Variants in LYPD6 observed in about 807,000 individuals in gnomAD.
LYPD6 encodes the protein ly6/PLAUR domain-containing protein 6.
A neutral mutation model predicts 22.7 loss-of-function variants in LYPD6; 15 were observed. That is an observed-to-expected ratio of 0.66 (90% CI 0.44 to 1.02). The LOEUF is 1.02. LYPD6 is among the 50% of genes least tolerant of loss of function. The pLI is 0.00. For synonymous variants in LYPD6, 72 were observed against 77.5 expected, an observed-to-expected ratio of 0.93 and a Z score of 0.37; for missense variants, 189 against 208.4, an observed-to-expected ratio of 0.91 and a Z score of 0.57.
chr2:149,441,710 T>C (rs1326864188), intron 2 of LYPD6, among the ~76,000 whole-genome samples: 1 of 152,198 alleles, frequency 6.6e-6, no homozygotes, highest in Non-Finnish European at 1.5e-5. Context: ...CCAAATCAAA[T>C]AAGAACTTTC....
intron 2 of LYPD6, among the ~76,000 whole-genome samples, chr2:149,444,229 CA>C (rs1683631522): frequency 6.6e-6 from 1 of 152,104 alleles, no homozygotes; most frequent in African/African-American, 2.4e-5. Flanking sequence ...CACCATGTTC[CA>C]CCAACAATGT....
intron 3 of LYPD6, among the ~76,000 whole-genome samples, chr2:149,461,428 A>C (rs540865552): frequency 1.3e-5 from 2 of 151,930 alleles, no homozygotes; most frequent in African/African-American, 4.8e-5. Flanking sequence ...TTCAGGCCCA[A>C]ATAATTTCAC....
At position 149,472,860 on chromosome 2, in the gene LYPD6, G is replaced by A. The variant is rs913497123; in HGVS notation, c.*2010G>A. On this transcript the variant is annotated 3_prime_UTR_variant, in exon 5 of 5. Transcript: ENST00000334166. Reference sequence around the variant, plus strand: ...TGGGATTGAAGAGGAAAGAAAGGTGGGATTATCCCCCTAGGAAGACTTTCA... The same window carrying A: ...TGGGATTGAAGAGGAAAGAAAGGTGAGATTATCCCCCTAGGAAGACTTTCA... 4 of 152,454 alleles carry A rather than the reference G, an allele frequency of 2.6e-5. No individual in the cohort carries two copies. The highest frequency in any genetic ancestry group is 4.8e-5 in the African/African-American group (2 of 41,392). The allele number at this position is 152,454 out of a possible 1,614,324, so 9.4% of individuals were successfully genotyped here. A position where few individuals can be genotyped will look rare whatever the true frequency, so the allele number is the denominator to read the frequency against.
intron 1 of LYPD6, among the ~76,000 whole-genome samples, chr2:149,430,248 C>G (rs368008097): frequency 6.6e-6 from 1 of 152,040 alleles, no homozygotes; most frequent in South Asian, 2.1e-4. Context: ...TACAGGTGCC[C>G]GCCGCCATGC....
chr2:149,460,891 C>G (rs1298684180), intron 3 of LYPD6, among the ~76,000 whole-genome samples: 1 of 152,054 alleles, frequency 6.6e-6, no homozygotes, highest in East Asian at 1.9e-4. Flanking sequence ...ATCCACAGAT[C>G]AAAGATAAAG....
chr2:149,480,051 G>A, the LYPD6 span, among the ~76,000 whole-genome samples: 2 of 147,058 alleles, frequency 1.4e-5, no homozygotes, highest in African/African-American at 2.5e-5. Flanking sequence ...ATGGAGTTTC[G>A]CTCTTGTCAC....
Position 149,468,793 on chromosome 2 carries a change from A to T in LYPD6, c.348+18A>T, listed in dbSNP as rs765640438. On this transcript the variant is annotated intron_variant, in intron 4 of 4. Coordinates refer to ENST00000334166, the MANE Select transcript of LYPD6 (RefSeq NM_194317.5). ...GCCACAAGGTCTGGGCAACAGAGCA[A>T]GTGACCAGTACTACATAGCCAGCTG... 1.9e-6 allele frequency: 3 copies of T among 1,612,564 alleles called. No homozygotes were observed. Among genetic ancestry groups the T allele is most frequent in the Non-Finnish European group, 2.5e-6 (3 of 1,179,420 alleles).
At chr2:149,416,521 CAAAG>C (rs1246173111) in intron 1 of LYPD6, among the ~76,000 whole-genome samples, 1 of 152,188 alleles carries the variant, frequency 6.6e-6, no homozygotes, top group Non-Finnish European at 1.5e-5. Context: ...TCCCTGGACA[CAAAG>C]AATCCAGGGT....
chr2:149,408,645 A>G (rs1682783445), intron 1 of LYPD6, among the ~76,000 whole-genome samples: 1 of 152,164 alleles, frequency 6.6e-6, no homozygotes, highest in Non-Finnish European at 1.5e-5. Flanking sequence ...GGTTAATTTG[A>G]AAGCCTTGTC....
intron 1 of LYPD6, among the ~76,000 whole-genome samples, chr2:149,387,332 G>A (rs1682211033): frequency 6.6e-6 from 1 of 152,144 alleles, no homozygotes; most frequent in African/African-American, 2.4e-5. Flanking sequence ...TTTCTCTTAG[G>A]CCAAACCACT....
intron 3 of LYPD6, among the ~76,000 whole-genome samples, chr2:149,460,149 A>C (rs917333919): frequency 1.6e-4 from 24 of 152,218 alleles, no homozygotes; most frequent in African/African-American, 5.5e-4. Flanking sequence ...AACAAAAACA[A>C]GACAGAAAAT....
chr2:149,437,808 A>G lies in LYPD6; in HGVS notation c.100A>G (p.Ile34Val), dbSNP rs1261684300. ...CCGAGACTTCACAGTGAAAGACATT[A>G]TCTACCTCCATCCTTCAAGTAAGAC... is the stretch of plus-strand genomic sequence containing the variant. ...QSRDFTVKDI[I>V]YLHPSTTPYP... Residue 34 changes from isoleucine to valine, a missense_variant, in exon 2 of 5, where the codon ATC becomes GTC. Physicochemically the swap from Ile to Val is conservative, Grantham distance 29. Transcript: ENST00000334166. The G allele has an allele frequency of 1.2e-6, 2 of 1,614,050 alleles. No individual in the cohort carries two copies. The highest frequency in any genetic ancestry group is 1.7e-6 in the Non-Finnish European group (2 of 1,180,004).
intron 1 of LYPD6, among the ~76,000 whole-genome samples, chr2:149,417,266 C>G (rs1682985107): frequency 6.6e-6 from 1 of 152,154 alleles, no homozygotes; most frequent in Non-Finnish European, 1.5e-5. Context: ...TATGATTCTC[C>G]CACTGGGGCT....
chr2:149,335,614 C>G (rs1306526235), intron 1 of LYPD6, among the ~76,000 whole-genome samples: 1 of 152,164 alleles, frequency 6.6e-6, no homozygotes, highest in Non-Finnish European at 1.5e-5. Flanking sequence ...CTACAGTAGT[C>G]TACAGTAACG....
At position 149,426,856 on chromosome 2, in the gene LYPD6, A is replaced by G. The variant is rs527650517; in HGVS notation, c.-71-10782A>G. 3.2e-3 allele frequency among the ~76,000 whole-genome samples: 487 copies of G among 152,290 alleles called. 2 individuals carry two copies. Among genetic ancestry groups the G allele is most frequent in the African/African-American group, 0.011 (457 of 41,562 alleles). On this transcript the variant is annotated intron_variant, in intron 1 of 4. Transcript: ENST00000334166. ...GACATTGGGTGGGGTGGGAGAATGA[A>G]CTGATCTCAAAGCCTCAAACAGAAT...
Position 149,473,296 on chromosome 2 carries a change from C to T in LYPD6, c.*2446C>T, listed in dbSNP as rs1434140026. On this transcript the variant is annotated 3_prime_UTR_variant, in exon 5 of 5. Transcript: ENST00000334166. ...CTGCATAGATGTTGCTGCATGTGTC[C>T]CATGTGCCTGTCAGAATGGCAGTGT... The T allele has an allele frequency of 6.6e-6, 1 of 152,574 alleles. No homozygotes were observed. The highest frequency in any genetic ancestry group is 1.5e-5 in the Non-Finnish European group (1 of 68,048). 9.5% of individuals were successfully genotyped at this position (152,574 alleles called of 1,614,324 possible).
At chr2:149,393,226 T>G (rs866158930) in intron 1 of LYPD6, among the ~76,000 whole-genome samples, 21 of 152,228 alleles carry the variant, frequency 1.4e-4, no homozygotes, top group South Asian at 6.2e-4. Context: ...CATTTATGCA[T>G]CTATAGCTTC....
intron 3 of LYPD6, 54 bp downstream of exon 3, chr2:149,449,201 C>T (rs1683756314): frequency 1.6e-6 from 2 of 1,228,760 alleles, no homozygotes; most frequent in Non-Finnish European, 2.3e-6. Context: ...GAGTGAACAG[C>T]CCTTTTGACT....
At position 149,339,574 on chromosome 2, in the gene LYPD6, G is replaced by A. The variant is rs1681121558; in HGVS notation, c.-72+8852G>A. Among the ~76,000 whole-genome samples, 3 of 152,148 alleles carry A rather than the reference G, an allele frequency of 2.0e-5. No individual in the cohort carries two copies. The South Asian group carries it at 6.2e-4, about 32-fold the overall frequency. On this transcript the variant is annotated intron_variant, in intron 1 of 4. Transcript: ENST00000334166. Reference sequence around the variant, plus strand: ...TCAGGTTGCTACAATAAAACAGCTAGACAGATACCCAAAGTCAAATTCTCA... The same window carrying A: ...TCAGGTTGCTACAATAAAACAGCTAAACAGATACCCAAAGTCAAATTCTCA...
Sources: gnomAD v4.1 joint callset for allele counts (sites outside exome capture counted in the v4.1 genomes callset) on GRCh38, gnomAD v4.1.1 for gene constraint, MANE v1.5 for transcripts, NCBI Gene and HGNC (gene_info 2026-07-23, HGNC 2026-07-21) for gene names.